Variants in C1QTNF7 observed in about 807,000 individuals in gnomAD.
The protein encoded by C1QTNF7 is complement C1q tumor necrosis factor-related protein 7.
C1QTNF7 carries 15 observed loss-of-function variants against 19.6 expected under a neutral mutation model. The ratio of observed to expected loss-of-function variants is 0.76; its 90% CI spans 0.51 to 1.18. The LOEUF is 1.18. Ranked by LOEUF, C1QTNF7 falls within the 50% of genes most tolerant of loss-of-function variation. C1QTNF7 has a pLI of 0.00. For missense variants in C1QTNF7, 324 were observed against 359.7 expected (o/e 0.90, Z 0.80); for synonymous variants, 142 against 137.5 (o/e 1.03, Z -0.23).
chr4:15,356,727 C>T (rs186724577), intron 1 of C1QTNF7, among the ~76,000 whole-genome samples: 71 of 152,246 alleles, frequency 4.7e-4, no homozygotes, highest in African/African-American at 1.5e-3. Context: ...AGTGTAAAAG[C>T]GTTCCTATTT....
chr4:15,364,120 C>A (rs544737526), intron 1 of C1QTNF7, among the ~76,000 whole-genome samples: 2 of 152,216 alleles, frequency 1.3e-5, no homozygotes, highest in Non-Finnish European at 2.9e-5. Flanking sequence ...CCATCACACC[C>A]CTGACTTGTC....
upstream of C1QTNF7, among the ~76,000 whole-genome samples, chr4:15,423,088 G>T (rs948984349): frequency 3.9e-5 from 6 of 152,184 alleles, no homozygotes; most frequent in Non-Finnish European, 8.8e-5. Flanking sequence ...TAGAAACCAG[G>T]TATCAGTGAA....
chr4:15,376,675 A>T (rs1343451086), intron 1 of C1QTNF7, among the ~76,000 whole-genome samples: 1 of 152,234 alleles, frequency 6.6e-6, no homozygotes, highest in Non-Finnish European at 1.5e-5. Flanking sequence ...TTGGAAGTAA[A>T]TGAGTGTTTT....
intron 1 of C1QTNF7, among the ~76,000 whole-genome samples, chr4:15,394,661 C>T (rs1042085750): frequency 1.5e-5 from 2 of 131,290 alleles, no homozygotes; most frequent in South Asian, 2.4e-4. Flanking sequence ...TTTGGTTTTA[C>T]GACAAACATA....
At chr4:15,404,253 C>T (rs925720600) in intron 1 of C1QTNF7, among the ~76,000 whole-genome samples, 2 of 152,138 alleles carry the variant, frequency 1.3e-5, no homozygotes, top group African/African-American at 2.4e-5. Flanking sequence ...ATGGAAGCAG[C>T]GAGTGCTTGC....
At chr4:15,364,732 GAA>G (rs535998217) in intron 1 of C1QTNF7, among the ~76,000 whole-genome samples, 1 of 152,136 alleles carries the variant, frequency 6.6e-6, no homozygotes, top group Middle Eastern at 3.2e-3. Flanking sequence ...CCACCGTGGA[GAA>G]AAAATATATT....
intron 1 of C1QTNF7, among the ~76,000 whole-genome samples, chr4:15,369,704 T>TGGGAATACAAA (rs1434741394): frequency 6.6e-6 from 1 of 152,218 alleles, no homozygotes; most frequent in Non-Finnish European, 1.5e-5. Context: ...AATGATACAC[T>TGGGAATACAAA]GGGAATGCCT....
chr4:15,392,372 C>T (rs1341643950), intron 1 of C1QTNF7, among the ~76,000 whole-genome samples: 2 of 152,220 alleles, frequency 1.3e-5, no homozygotes, highest in Admixed American at 6.5e-5. Context: ...CTCGCAGAAC[C>T]AAGGTACACA....
intron 1 of C1QTNF7, chr4:15,361,167 T>C (rs1359913282): frequency 6.6e-6 from 1 of 152,176 alleles, no homozygotes; most frequent in Non-Finnish European, 1.5e-5. Flanking sequence ...GCTTACCTCT[T>C]GGGTTTCATC....
At chr4:15,432,822 T>C (rs950938500) in intron 1 of C1QTNF7, among the ~76,000 whole-genome samples, 2 of 152,256 alleles carry the variant, frequency 1.3e-5, no homozygotes, top group African/African-American at 2.4e-5. Flanking sequence ...GCACTTGTCA[T>C]AAAAGCAATC....
At chr4:15,343,412 T>A (rs1402689589) in intron 1 of C1QTNF7, among the ~76,000 whole-genome samples, 1 of 152,126 alleles carries the variant, frequency 6.6e-6, no homozygotes, top group Non-Finnish European at 1.5e-5. Flanking sequence ...GCCCAACAAT[T>A]GGGATTCTCA....
At chr4:15,431,767 G>T (rs898225349) in intron 1 of C1QTNF7, among the ~76,000 whole-genome samples, 1 of 152,070 alleles carries the variant, frequency 6.6e-6, no homozygotes, top group African/African-American at 2.4e-5. Flanking sequence ...TAAGTGGTTG[G>T]ACACATCAAT....
chr4:15,413,947 A>G (rs773372216), intron 1 of C1QTNF7, among the ~76,000 whole-genome samples: 2 of 152,206 alleles, frequency 1.3e-5, no homozygotes, highest in South Asian at 4.1e-4. Flanking sequence ...TCTTTCATGT[A>G]TATGGAACAT....
At chr4:15,402,274 C>A (rs1198480149) in intron 1 of C1QTNF7, among the ~76,000 whole-genome samples, 1 of 152,136 alleles carries the variant, frequency 6.6e-6, no homozygotes, top group Admixed American at 6.5e-5. Context: ...TTTCACTCAG[C>A]CAAGCTATGC....
At chr4:15,353,718 G>T (rs1478041025) in intron 1 of C1QTNF7, among the ~76,000 whole-genome samples, 1 of 151,514 alleles carries the variant, frequency 6.6e-6, no homozygotes, top group African/African-American at 2.4e-5. Context: ...ACCCCTCAAG[G>T]TTGGTATTAT....
chr4:15,385,350 G>A (rs1718296008), intron 1 of C1QTNF7, among the ~76,000 whole-genome samples: 1 of 151,620 alleles, frequency 6.6e-6, no homozygotes, highest in Admixed American at 6.6e-5. Context: ...AGTGTAGACA[G>A]GTGGGTCAGA....
intron 1 of C1QTNF7, 103 bp from the exon 2 acceptor site, chr4:15,435,633 T>C: frequency 6.7e-7 from 1 of 1,498,852 alleles, no homozygotes; most frequent in Non-Finnish European, 9.0e-7. Flanking sequence ...CTGGAGTGAT[T>C]TGTTGCAAAT....
upstream of C1QTNF7, among the ~76,000 whole-genome samples, chr4:15,424,983 G>C (rs1175906234): frequency 1.3e-5 from 2 of 152,000 alleles, no homozygotes; most frequent in Non-Finnish European, 1.5e-5. Context: ...CTCTTTGTTT[G>C]CTCTCTACTG....
chr4:15,343,498 C>A (rs1279703791), intron 1 of C1QTNF7, among the ~76,000 whole-genome samples: 2 of 151,438 alleles, frequency 1.3e-5, no homozygotes, highest in Admixed American at 6.6e-5. Flanking sequence ...AAAGCAAATT[C>A]TTTTCAGTAT....
Sources: gnomAD v4.1 joint callset for allele counts (sites outside exome capture counted in the v4.1 genomes callset) on GRCh38, gnomAD v4.1.1 for gene constraint, MANE v1.5 for transcripts, NCBI Gene and HGNC (gene_info 2026-07-23, HGNC 2026-07-21) for gene names.